FNDC3A: variants seen among roughly 807,000 people sequenced by gnomAD.
The protein encoded by FNDC3A is fibronectin type-III domain-containing protein 3A.
Under a neutral mutation model 148.9 loss-of-function variants are expected in FNDC3A, and 32 were observed. The ratio of observed to expected loss-of-function variants is 0.21; its 90% CI spans 0.16 to 0.29. FNDC3A has a LOEUF of 0.29. Ranked by LOEUF, FNDC3A falls within the 10% of genes least tolerant of loss-of-function variation. The probability of loss-of-function intolerance (pLI) is 1.00; values close to 1 mark genes in which losing one functional copy is unlikely to be tolerated. For missense variants in FNDC3A, 1,191 were observed against 1,452.8 expected, an observed-to-expected ratio of 0.82 and a Z score of 2.93; for synonymous variants, 472 against 473.6, an observed-to-expected ratio of 1.00 and a Z score of 0.04.
intron 2 of FNDC3A, among the ~76,000 whole-genome samples, chr13:49,051,407 G>C (rs908538907): frequency 3.3e-5 from 5 of 152,088 alleles, no homozygotes; most frequent in Middle Eastern, 3.2e-3. Context: ...TCTGGAAAAG[G>C]CTGTGTCTTT....
Position 49,114,669 on chromosome 13 carries a change from C to A in FNDC3A, c.190C>A (p.Pro64Thr), listed in dbSNP as rs762866432. Reference protein sequence around the residue: ...FQCITGPAQVPMMSPNGSVPP... With the variant: ...FQCITGPAQVTMMSPNGSVPP... Reference sequence around the variant, plus strand: ...GACCCATTCAGGTCCTGCTCAGGTTCCAATGATGTCCCCAAATGGTTCTGT... The same window carrying A: ...GACCCATTCAGGTCCTGCTCAGGTTACAATGATGTCCCCAAATGGTTCTGT... The change falls in exon 4 of 26, where the codon CCA becomes ACA. Residue 64 changes from proline to threonine, a missense_variant. This residue lies in a region of FNDC3A where 426 missense variants were observed against 473.2 expected (regional missense o/e 0.90). Transcript: ENST00000492622. The A allele has an allele frequency of 6.2e-7, 1 of 1,612,422 alleles. No homozygotes were observed.
At position 49,183,301 on chromosome 13, in the gene FNDC3A, T is replaced by A. The variant is rs59706083; in HGVS notation, c.1618-2663T>A. The stretch of plus-strand genomic sequence containing the variant: ...CCCTTTTCAAAGCCTTCCTAAACCA[T>A]TTTAGGCCTTAGTAATCTTTGTCCT... On this transcript the variant is annotated intron_variant, in intron 14 of 25. Transcript: ENST00000492622. Among the ~76,000 whole-genome samples, 157 of 152,316 alleles carry A rather than the reference T, an allele frequency of 1.0e-3. 1 individual carries two copies. Among genetic ancestry groups the A allele is most frequent in the African/African-American group, 3.6e-3 (148 of 41,570 alleles).
intron 4 of FNDC3A, among the ~76,000 whole-genome samples, chr13:49,119,647 G>T (rs966210944): frequency 5.9e-5 from 9 of 151,922 alleles, no homozygotes; most frequent in Non-Finnish European, 1.3e-4. Context: ...GAACATAAAT[G>T]ACCTGATAGA....
intron 8 of FNDC3A, among the ~76,000 whole-genome samples, chr13:49,157,654 A>G (rs1279741070): frequency 6.8e-6 from 1 of 148,064 alleles, no homozygotes; most frequent in Non-Finnish European, 1.5e-5. Flanking sequence ...TTGTGGTTTT[A>G]TCTACTTTTG....
At chr13:49,111,827 TAATC>T (rs1316400050) in intron 3 of FNDC3A, among the ~76,000 whole-genome samples, 1 of 152,172 alleles carries the variant, frequency 6.6e-6, no homozygotes, top group Non-Finnish European at 1.5e-5. Context: ...AGAAGTAAGT[TAATC>T]AGTCTTTTTC....
Position 49,201,815 on chromosome 13 carries a change from C to T in FNDC3A, c.3003C>T (p.Tyr1001=), listed in dbSNP as rs774238532. 1.0e-5 allele frequency: 16 copies of T among 1,528,200 alleles called. No individual in the cohort carries two copies. The highest frequency in any genetic ancestry group is 1.3e-5 in the Non-Finnish European group (15 of 1,131,222). The allele number at this position is 1,528,200 out of a possible 1,614,324, so 94.7% of individuals were successfully genotyped here. Residue 1001 remains tyrosine (Y), a synonymous_variant, in exon 24 of 26, where the codon TAC becomes TAT. Transcript: ENST00000492622. ...EDKNGRFVSL[Y]RGPCHTYKVQ... ...TCCATTTTAGGTTTGTATCCCTATA[C>T]AGAGGACCATGTCATACATACAAAG...
intron 1 of FNDC3A, among the ~76,000 whole-genome samples, chr13:48,977,288 G>A (rs1319903249): frequency 6.6e-6 from 1 of 152,002 alleles, no homozygotes; most frequent in Non-Finnish European, 1.5e-5. Context: ...TTTAGTTCTT[G>A]AAACCAAAGT....
intron 8 of FNDC3A, among the ~76,000 whole-genome samples, chr13:49,151,083 G>A (rs780823705): frequency 1.3e-5 from 2 of 152,124 alleles, no homozygotes; most frequent in African/African-American, 4.8e-5. Context: ...ATTCACAAAG[G>A]TCAGTTATGT....
intron 13 of FNDC3A, among the ~76,000 whole-genome samples, chr13:49,176,515 G>A (rs1447414221): frequency 6.6e-6 from 1 of 152,138 alleles, no homozygotes; most frequent in Non-Finnish European, 1.5e-5. Context: ...ATAGCATTAG[G>A]AGAAATACCT....
intron 2 of FNDC3A, among the ~76,000 whole-genome samples, chr13:49,064,144 C>T (rs1566226463): frequency 6.6e-6 from 1 of 152,188 alleles, no homozygotes; most frequent in East Asian, 1.9e-4. Context: ...AGTTTGAGAC[C>T]AGCCTGACAA....
At chr13:49,065,021 CTAT>C (rs1377802479) in intron 2 of FNDC3A, among the ~76,000 whole-genome samples, 1 of 152,184 alleles carries the variant, frequency 6.6e-6, no homozygotes, top group Non-Finnish European at 1.5e-5. Context: ...ATTCAGTTAT[CTAT>C]TGTTGTGTAA....
At chr13:49,024,020 A>T (rs1429678921) in intron 2 of FNDC3A, among the ~76,000 whole-genome samples, 3 of 151,972 alleles carry the variant, frequency 2.0e-5, no homozygotes, top group Admixed American at 2.0e-4. Flanking sequence ...AGATAAATAA[A>T]TAAATCAAAA....
At chr13:49,112,242 A>G in intron 3 of FNDC3A, among the ~76,000 whole-genome samples, 1 of 152,318 alleles carries the variant, frequency 6.6e-6, no homozygotes, top group South Asian at 2.1e-4. Context: ...TTCTCTGTCA[A>G]GTTCTCAGCT....
chr13:48,996,947 C>T (rs754728408), intron 1 of FNDC3A, among the ~76,000 whole-genome samples: 41 of 151,926 alleles, frequency 2.7e-4, no homozygotes, highest in Non-Finnish European at 5.3e-4. Flanking sequence ...CATGTAATCC[C>T]AGCTACTCGG....
At chr13:49,103,433 T>C (rs937065055) in intron 3 of FNDC3A, among the ~76,000 whole-genome samples, 2 of 152,226 alleles carry the variant, frequency 1.3e-5, no homozygotes, top group Non-Finnish European at 2.9e-5. Context: ...GGAAGCATAG[T>C]AGGCTACAGT....
chr13:49,188,461 C>T, intron 16 of FNDC3A, 54 bp from the exon 17 acceptor site: 1 of 1,061,744 alleles, frequency 9.4e-7, no homozygotes, highest in East Asian at 2.4e-5. Context: ...TCCATGATAC[C>T]AGAACGTTAA....
At chr13:49,147,606 C>T (rs1452031855) in intron 8 of FNDC3A, among the ~76,000 whole-genome samples, 2 of 151,450 alleles carry the variant, frequency 1.3e-5, no homozygotes, top group Non-Finnish European at 2.9e-5. Context: ...TGTATATATA[C>T]CACATTTTCT....
At chr13:49,043,165 T>G (rs1181760055) in intron 2 of FNDC3A, among the ~76,000 whole-genome samples, 1 of 151,600 alleles carries the variant, frequency 6.6e-6, no homozygotes, top group Non-Finnish European at 1.5e-5. Context: ...AGGGTCTTAC[T>G]GTGTTGCTTA....
At chr13:49,100,934 T>TATTA (rs1246546173) in intron 3 of FNDC3A, among the ~76,000 whole-genome samples, 1 of 152,138 alleles carries the variant, frequency 6.6e-6, no homozygotes, top group Non-Finnish European at 1.5e-5. Flanking sequence ...GCATGTATAA[T>TATTA]GTAAAGTAAA....
Sources: gnomAD v4.1 joint callset for allele counts (sites outside exome capture counted in the v4.1 genomes callset) on GRCh38, gnomAD v4.1.1 for gene constraint, gnomAD v4.1.1 regional missense constraint, MANE v1.5 for transcripts, NCBI Gene and HGNC (gene_info 2026-07-23, HGNC 2026-07-21) for gene names.